Variants in OR10G3 observed in about 807,000 individuals in gnomAD.
OR10G3 encodes olfactory receptor 10G3.
In OR10G3, 8 loss-of-function variants were observed where a neutral mutation model predicts 13.4. The ratio of observed to expected loss-of-function variants is 0.60; its 90% CI spans 0.35 to 1.08. OR10G3 has a LOEUF of 1.08. OR10G3 is among the 50% of genes least tolerant of loss of function. The pLI, the probability that OR10G3 is intolerant of heterozygous loss-of-function variation, is 0.02. For missense variants in OR10G3, 393 were observed against 386.6 expected (o/e 1.02, Z -0.14); for synonymous variants, 142 against 156.1 (o/e 0.91, Z 0.67).
intron 1 of OR10G3, among the ~76,000 whole-genome samples, chr14:21,572,854 A>T (rs1212070548): frequency 6.6e-6 from 1 of 152,140 alleles, no homozygotes; most frequent in Non-Finnish European, 1.5e-5. Context: ...TTAAGATAAG[A>T]TAATATGATG....
At chr14:21,577,202 A>T (rs1594491967) in intron 1 of OR10G3, among the ~76,000 whole-genome samples, 1 of 152,168 alleles carries the variant, frequency 6.6e-6, no homozygotes, top group East Asian at 1.9e-4. Context: ...AGAGAGAGAG[A>T]GATACGGAGG....
chr14:21,570,236 C>T lies in OR10G3; in HGVS notation c.509G>A (p.Cys170Tyr). ...GAAGTAATCCACCTGATTGGGCCCA[C>T]AGTAGGGCAGGCGGAAGGTTAGGAT... ...QAILTFRLPY[C>Y]GPNQVDYFFC... is the part of the protein sequence containing the mutation. The change falls in exon 2 of 2, where the codon TGT becomes TAT. Residue 170 changes from cysteine (C) to tyrosine (Y), a missense_variant. Coordinates refer to ENST00000641040, the MANE Select transcript of OR10G3 (RefSeq NM_001005465.2). The T allele has an allele frequency of 1.9e-6, 3 of 1,614,162 alleles. No homozygotes were observed. The highest frequency in any genetic ancestry group is 2.5e-6 in the Non-Finnish European group (3 of 1,180,016).
chr14:21,570,272 GC>G lies in OR10G3; in HGVS notation c.472del (p.Ala158LeufsTer6). The G allele has an allele frequency of 2.5e-6, 4 of 1,614,224 alleles. No homozygotes were observed. Among genetic ancestry groups the G allele is most frequent in the Non-Finnish European group, 2.5e-6 (3 of 1,180,050 alleles). ...GAWMAGSIHG[A>X]LQAILTFRLP... ...GCGGAAGGTTAGGATGGCCTGGAGAGCCCCATGGATGGATCCTGCCATCCAG... is the reference window on the plus strand; with the variant it reads ...GCGGAAGGTTAGGATGGCCTGGAGAGCCCATGGATGGATCCTGCCATCCAG... On this transcript the variant is annotated frameshift_variant, in exon 2 of 2. Transcript: ENST00000641040. LOFTEE classifies it high-confidence loss of function.
chr14:21,577,627 A>G (rs1876774733), intron 1 of OR10G3, among the ~76,000 whole-genome samples: 1 of 152,268 alleles, frequency 6.6e-6, no homozygotes, highest in South Asian at 2.1e-4. Flanking sequence ...TTCTAAAATC[A>G]AACTAGAGTG....
In OR10G3 at chr14:21,578,119, A is replaced by C. The variant is rs1006294826; in HGVS notation, c.-18+1667T>G. Among the ~76,000 whole-genome samples the C allele has an allele frequency of 3.4e-5, 5 of 147,008 alleles. No homozygotes were observed. The Admixed American group carries it at 3.4e-4, about 10-fold the overall frequency. ...TCTCATCTGATATCAAATATTAAAGACCATCTAGAGGCCGGTCGCGGTGGC... is the reference window on the plus strand; with the variant it reads ...TCTCATCTGATATCAAATATTAAAGCCCATCTAGAGGCCGGTCGCGGTGGC... On this transcript the variant is annotated intron_variant, in intron 1 of 1. Coordinates refer to ENST00000641040, the MANE Select transcript of OR10G3 (RefSeq NM_001005465.2).
chr14:21,572,427 T>A (rs1893081324), intron 1 of OR10G3, among the ~76,000 whole-genome samples: 2 of 144,458 alleles, frequency 1.4e-5, no homozygotes, highest in African/African-American at 2.6e-5. Context: ...TGAAACCCCA[T>A]CTCTACTAAA....
chr14:21,578,027 G>T (rs945241770), intron 1 of OR10G3, among the ~76,000 whole-genome samples: 3 of 151,742 alleles, frequency 2.0e-5, no homozygotes, highest in Admixed American at 2.0e-4. Context: ...AAGCCTGAAG[G>T]CTTAGTAGTG....
At chr14:21,578,584 T>C (rs188254941) in intron 1 of OR10G3, among the ~76,000 whole-genome samples, 1 of 152,200 alleles carries the variant, frequency 6.6e-6, no homozygotes, top group Non-Finnish European at 1.5e-5. Flanking sequence ...GGCACAGGCT[T>C]AACCTCATTT....
At chr14:21,570,800 G>T in intron 1 of OR10G3, 39 bp from the exon 2 acceptor site, 1 of 1,147,974 alleles carries the variant, frequency 8.7e-7, no homozygotes, top group Non-Finnish European at 1.2e-6. Flanking sequence ...ATAGAGGTGA[G>T]AGGAAAGTGA....
At chr14:21,579,501 T>A (rs139766718) in intron 1 of OR10G3, among the ~76,000 whole-genome samples, 2,496 of 152,302 alleles carry the variant, frequency 0.016, 66 homozygotes, top group African/African-American at 0.057. Context: ...CGTCTTGGCA[T>A]CCCAAAGTGC....
chr14:21,570,200 A>T lies in OR10G3; in HGVS notation c.545T>A (p.Ile182Asn). 1 of 1,614,190 alleles carries T rather than the reference A, an allele frequency of 6.2e-7. No individual in the cohort carries two copies. The highest frequency in any genetic ancestry group is 8.5e-7 in the Non-Finnish European group (1 of 1,180,038). ...PNQVDYFFCDIPAVLRLACAD... is the reference protein window; with the variant it reads ...PNQVDYFFCDNPAVLRLACAD... ...ACAGGCCAGTCTCAACACTGCAGGGATGTCACAGAAGAAGTAATCCACCTG... is the reference window on the plus strand; with the variant it reads ...ACAGGCCAGTCTCAACACTGCAGGGTTGTCACAGAAGAAGTAATCCACCTG... The change falls in exon 2 of 2, where the codon ATC (isoleucine) becomes AAC (asparagine). Residue 182 changes from isoleucine to asparagine, a missense_variant. Ile to Asn is a moderately radical substitution (Grantham distance 149). Transcript: ENST00000641040.
intron 1 of OR10G3, among the ~76,000 whole-genome samples, chr14:21,572,025 C>T (rs1176610184): frequency 6.7e-6 from 1 of 149,748 alleles, no homozygotes; most frequent in Non-Finnish European, 1.5e-5. Flanking sequence ...GGCTCGGTGG[C>T]TTATGCCTGT....
intron 1 of OR10G3, among the ~76,000 whole-genome samples, chr14:21,572,559 T>G (rs1893082441): frequency 1.4e-5 from 2 of 138,220 alleles, no homozygotes; most frequent in African/African-American, 5.5e-5. Flanking sequence ...ATTGCACGGC[T>G]GTACTCCAGC....
intron 1 of OR10G3, among the ~76,000 whole-genome samples, chr14:21,573,379 G>T (rs1198736831): frequency 6.6e-6 from 1 of 152,000 alleles, no homozygotes; most frequent in Non-Finnish European, 1.5e-5. Flanking sequence ...TGATCAAAAG[G>T]TACAAAGTTT....
Position 21,570,207 on chromosome 14 carries a change from A to G in OR10G3, c.538T>C (p.Cys180Arg). The G allele has an allele frequency of 2.5e-6, 4 of 1,614,138 alleles. No homozygotes were observed. The highest frequency in any genetic ancestry group is 3.4e-6 in the Non-Finnish European group (4 of 1,180,024). ...AGTCTCAACACTGCAGGGATGTCAC[A>G]GAAGAAGTAATCCACCTGATTGGGC... ...CGPNQVDYFF[C>R]DIPAVLRLAC... Residue 180 changes from cysteine (C) to arginine (R), a missense_variant, in exon 2 of 2, where the codon TGT (cysteine) becomes CGT (arginine). By Grantham distance (180) the Cys-to-Arg change is radical. Transcript: ENST00000641040.
chr14:21,570,812 G>A, intron 1 of OR10G3, 51 bp from the exon 2 acceptor site: 1 of 1,058,506 alleles, frequency 9.4e-7, no homozygotes, highest in Non-Finnish European at 1.4e-6. Flanking sequence ...GGAAAGTGAG[G>A]GGGAACTAGA....
At chr14:21,577,093 T>G (rs969278347) in intron 1 of OR10G3, among the ~76,000 whole-genome samples, 1 of 152,170 alleles carries the variant, frequency 6.6e-6, no homozygotes, top group African/African-American at 2.4e-5. Flanking sequence ...AGCTTAGTAT[T>G]TGCCAGGTAA....
In OR10G3 at chr14:21,570,072, C is replaced by T. The variant is rs756530237; in HGVS notation, c.673G>A (p.Ala225Thr). 6 of 1,614,178 alleles carry T rather than the reference C, an allele frequency of 3.7e-6. No homozygotes were observed. The East Asian group carries it at 8.9e-5, about 24-fold the overall frequency. Residue 225 changes from alanine to threonine, a missense_variant, in exon 2 of 2, where the codon GCC (alanine) becomes ACC (threonine). Transcript: ENST00000641040. ...TCAGCTGTGTGGATTCTCAGGATGG[C>T]CTGAATGATCTGTATGTAGGAGAGG... ...ILLSYIQIIQAILRIHTADGR... is the reference protein window; with the variant it reads ...ILLSYIQIIQTILRIHTADGR...
chr14:21,571,012 G>A (rs2139710705), intron 1 of OR10G3, among the ~76,000 whole-genome samples: 1 of 152,308 alleles, frequency 6.6e-6, no homozygotes, highest in African/African-American at 2.4e-5. Flanking sequence ...ATGAGTGGTT[G>A]CATTTAGCTT....
Sources: gnomAD v4.1 joint callset for allele counts (sites outside exome capture counted in the v4.1 genomes callset) on GRCh38, gnomAD v4.1.1 for gene constraint, MANE v1.5 for transcripts, NCBI Gene and HGNC (gene_info 2026-07-23, HGNC 2026-07-21) for gene names.